NRBP1: variants seen among roughly 807,000 people sequenced by gnomAD.
NRBP1 encodes the protein nuclear receptor-binding protein.
Under a neutral mutation model 76.0 loss-of-function variants are expected in NRBP1, and 10 were observed. The observed-to-expected ratio is 0.13, with a 90% CI of 0.08 to 0.22. NRBP1 has a LOEUF of 0.22. NRBP1 is among the 10% of genes least tolerant of loss of function. The pLI, the probability that NRBP1 is intolerant of heterozygous loss-of-function variation, is 1.00. For missense variants in NRBP1, 344 were observed against 646.0 expected, an observed-to-expected ratio of 0.53 and a Z score of 5.07; for synonymous variants, 235 against 240.2, an observed-to-expected ratio of 0.98 and a Z score of 0.20.
intron 15 of NRBP1, 24 bp downstream of exon 15, chr2:27,441,204 G>T (rs922293908): frequency 6.2e-7 from 1 of 1,613,892 alleles, no homozygotes; most frequent in Non-Finnish European, 8.5e-7. Context: ...CTAGGGTTGC[G>T]CAGGGCTAGT....
chr2:27,434,219 C>A, intron 4 of NRBP1, 129 bp downstream of exon 4: 1 of 809,440 alleles, frequency 1.2e-6, no homozygotes, highest in Non-Finnish European at 2.0e-6. Flanking sequence ...GCTGCAATGG[C>A]GATAAGAGTA....
chr2:27,436,948 C>T, intron 8 of NRBP1, 99 bp from the exon 9 acceptor site: 2 of 1,440,988 alleles, frequency 1.4e-6, no homozygotes, highest in Non-Finnish European at 9.6e-7. Flanking sequence ...TACCAGCATA[C>T]AAAATATTTT....
intron 1 of NRBP1, among the ~76,000 whole-genome samples, chr2:27,430,358 A>G (rs966139874): frequency 1.3e-5 from 2 of 152,196 alleles, no homozygotes; most frequent in Admixed American, 6.5e-5. Context: ...GAGTTCTAAA[A>G]ATAAATGTGG....
Position 27,435,125 on chromosome 2 carries a change from C to T in NRBP1, c.567-8C>T. On this transcript the variant is annotated splice_region_variant and splice_polypyrimidine_tract_variant and intron_variant, in intron 6 of 17. Coordinates refer to ENST00000379852, the MANE Select transcript of NRBP1 (RefSeq NM_013392.4). The stretch of plus-strand genomic sequence containing the variant: ...AGTGGCCCCTCTAACAGCCCAGTGC[C>T]CCCACAGCTACCTGCACTCCTGTGA... 1 of 1,610,496 alleles carries T rather than the reference C, an allele frequency of 6.2e-7. No individual in the cohort carries two copies. Among genetic ancestry groups the T allele is most frequent in the Non-Finnish European group, 8.5e-7 (1 of 1,177,268 alleles).
Position 27,440,946 on chromosome 2 carries a change from G to T in NRBP1, c.1329+6G>T, listed in dbSNP as rs1423116073. 2.5e-6 allele frequency: 4 copies of T among 1,612,904 alleles called. No homozygotes were observed. The highest frequency in any genetic ancestry group is 1.3e-5 in the African/African-American group (1 of 74,894). ...CTGAGGTGGAGACTCGCAAGGTGGG[G>T]GCTGTGTGGGTGTGGATTGTCTCCA... On this transcript the variant is annotated splice_donor_region_variant and intron_variant, in intron 14 of 17. Coordinates refer to ENST00000379852, the MANE Select transcript of NRBP1 (RefSeq NM_013392.4).
intron 4 of NRBP1, 110 bp downstream of exon 4, chr2:27,434,200 C>T: frequency 1.1e-6 from 1 of 903,202 alleles, no homozygotes; most frequent in African/African-American, 1.7e-5. Context: ...TGAAACAGAA[C>T]TGGAATCAGC....
At chr2:27,435,769 T>A (rs746363899) in intron 7 of NRBP1, 5 of 717,504 alleles carry the variant, frequency 7.0e-6, no homozygotes, top group South Asian at 5.9e-5. Context: ...TCTGCCCCAC[T>A]TGGGGCTCTG....
intron 6 of NRBP1, 72 bp downstream of exon 6, chr2:27,434,834 A>G: frequency 7.0e-7 from 1 of 1,438,682 alleles, no homozygotes; most frequent in East Asian, 2.3e-5. Context: ...TCAGGGCACT[A>G]CTCTTCTGTT....
chr2:27,430,912 AATT>A (rs1324236460), intron 1 of NRBP1, among the ~76,000 whole-genome samples: 1 of 152,204 alleles, frequency 6.6e-6, no homozygotes, highest in African/African-American at 2.4e-5. Context: ...AGCTCTCAAT[AATT>A]CTTTTTCTTC....
chr2:27,431,289 G>T (rs1664107069), intron 1 of NRBP1, among the ~76,000 whole-genome samples: 1 of 152,188 alleles, frequency 6.6e-6, no homozygotes, highest in African/African-American at 2.4e-5. Flanking sequence ...GACAGAGTGA[G>T]ACTCCATCCC....
chr2:27,429,158 C>A (rs1664001993), intron 1 of NRBP1: 2 of 152,980 alleles, frequency 1.3e-5, no homozygotes, highest in South Asian at 3.8e-4. Context: ...GCGCCCCTGA[C>A]TGCGCTGTCG....
At chr2:27,433,504 C>T in intron 2 of NRBP1, 21 bp downstream of exon 2, 1 of 1,612,240 alleles carries the variant, frequency 6.2e-7, no homozygotes, top group South Asian at 1.1e-5. Flanking sequence ...GGTACAGTTA[C>T]TCTTGGGTGA....
At chr2:27,436,668 G>T in intron 7 of NRBP1, 85 bp from the exon 8 acceptor site, 1 of 1,097,128 alleles carries the variant, frequency 9.1e-7, no homozygotes, top group Admixed American at 1.7e-5. Flanking sequence ...CTTCAGGAGA[G>T]AATTTGGCTT....
At chr2:27,440,538 A>G (rs1664498187) in intron 12 of NRBP1, 30 bp downstream of exon 12, 1 of 1,601,416 alleles carries the variant, frequency 6.2e-7, no homozygotes, top group Non-Finnish European at 8.6e-7. Context: ...TGAAAGGGGC[A>G]GATTGGTCAC....
upstream of NRBP1, chr2:27,428,380 C>A (rs950867010): frequency 3.2e-5 from 11 of 345,914 alleles, no homozygotes; most frequent in African/African-American, 2.1e-5. Flanking sequence ...TCCAGCAGAA[C>A]CATCTGGGGC....
chr2:27,436,531 T>C, intron 7 of NRBP1: 1 of 539,986 alleles, frequency 1.9e-6, no homozygotes, highest in Non-Finnish European at 3.3e-6. Context: ...TTGCTCCTGA[T>C]TTAGGGACAT....
intron 10 of NRBP1, 127 bp from the exon 11 acceptor site, chr2:27,439,639 G>A: frequency 2.0e-6 from 2 of 1,000,526 alleles, no homozygotes; most frequent in Non-Finnish European, 2.9e-6. Flanking sequence ...TCAATATATT[G>A]TTTTCTCAGC....
At chr2:27,437,527 A>G (rs1336788544) in intron 10 of NRBP1, among the ~76,000 whole-genome samples, 167 bp downstream of exon 10, 1 of 152,198 alleles carries the variant, frequency 6.6e-6, no homozygotes. Context: ...ATGTTTTTGC[A>G]TAGAAACACA....
rs1312265085 is a variant in NRBP1 at position 27,440,785 on chromosome 2, C to G, written c.1194-20C>G. 1.2e-6 allele frequency: 2 copies of G among 1,614,144 alleles called. No individual in the cohort carries two copies. The highest frequency in any genetic ancestry group is 1.7e-6 in the Non-Finnish European group (2 of 1,180,038). On this transcript the variant is annotated intron_variant, in intron 13 of 17. Transcript: ENST00000379852. ...AAGGCGTTCACAGAGCCCATGTGAC[C>G]TGTCTTCATCTCCCTCCAGGAATGG... is the stretch of plus-strand genomic sequence containing the variant.
Sources: gnomAD v4.1 joint callset for allele counts (sites outside exome capture counted in the v4.1 genomes callset) on GRCh38, gnomAD v4.1.1 for gene constraint, MANE v1.5 for transcripts, NCBI Gene and HGNC (gene_info 2026-07-23, HGNC 2026-07-21) for gene names.